ADARB1: variants seen among roughly 807,000 people sequenced by gnomAD.
The protein encoded by ADARB1 is double-stranded RNA-specific editase 1.
ADARB1 carries 10 observed loss-of-function variants against 52.4 expected under a neutral mutation model. The observed-to-expected ratio is 0.19, with a 90% confidence interval of 0.12 to 0.32. The LOEUF (loss-of-function observed/expected upper bound fraction) is 0.32. Among genes scored for constraint, ADARB1 ranks in the 10% least tolerant of loss-of-function variants. The pLI, the probability that ADARB1 is intolerant of heterozygous loss-of-function variation, is 1.00. For missense variants in ADARB1, 643 were observed against 922.3 expected, an observed-to-expected ratio of 0.70 and a Z score of 3.92; for synonymous variants, 349 against 371.1, an observed-to-expected ratio of 0.94 and a Z score of 0.68.
chr21:45,204,444 T>C lies in ADARB1; in HGVS notation c.1566-111T>C. 2.8e-6 allele frequency: 3 copies of C among 1,054,712 alleles called. No individual in the cohort carries two copies. The highest frequency in any genetic ancestry group is 4.2e-6 in the Non-Finnish European group (3 of 715,644). 65.3% of individuals were successfully genotyped at this position (1,054,712 alleles called of 1,614,324 possible). ...TTTGTTGCACTCCTTCGTCAGTTGG[T>C]TGGGATCCTGCGGAATTGCCAGTGC... is the stretch of plus-strand genomic sequence containing the variant. On this transcript the variant is annotated intron_variant, in intron 8 of 10. Coordinates refer to ENST00000348831, the MANE Select transcript of ADARB1 (RefSeq NM_001112.4). This position sits in a 1 kb window ranked among gnomAD's most constrained non-coding sequence, Gnocchi z 4.4.
At chr21:45,199,945 T>C (rs1180946982) in intron 8 of ADARB1, among the ~76,000 whole-genome samples, 1 of 152,164 alleles carries the variant, frequency 6.6e-6, no homozygotes, top group African/African-American at 2.4e-5. Flanking sequence ...TTTTATTATA[T>C]AGTAATTAGA....
At position 45,211,436 on chromosome 21, in the gene ADARB1, C is replaced by T. The variant is rs193169655; in HGVS notation, c.1747+6700C>T. ...TTGCAGAATAAAGGCCACTTTCAGTCGAGATTGTAAGTACACATTTTCCTT... is the reference window on the plus strand; with the variant it reads ...TTGCAGAATAAAGGCCACTTTCAGTTGAGATTGTAAGTACACATTTTCCTT... On this transcript the variant is annotated intron_variant, in intron 9 of 10. Coordinates refer to ENST00000348831, the MANE Select transcript of ADARB1 (RefSeq NM_001112.4). 9.2e-5 allele frequency among the ~76,000 whole-genome samples: 14 copies of T among 152,212 alleles called. No homozygotes were observed. In the East Asian group the frequency reaches 2.7e-3, roughly 29 times the overall value.
At position 45,210,545 on chromosome 21, in the gene ADARB1, CG is replaced by C. The variant is rs1201193462; in HGVS notation, c.1747+5812del. On this transcript the variant is annotated intron_variant, in intron 9 of 10. Coordinates refer to ENST00000348831, the MANE Select transcript of ADARB1 (RefSeq NM_001112.4). ...TGACTGCCGTCCTCAGGCCATCTCC[CG>C]GGCATGCATGTGCTCAAGTCAGGAG... 1.9e-4 allele frequency among the ~76,000 whole-genome samples: 29 copies of C among 152,334 alleles called. 1 individual carries two copies. Among genetic ancestry groups the C allele is most frequent in the Non-Finnish European group, 2.5e-4 (17 of 68,026 alleles).
chr21:45,178,791 G>A (rs1035695296), intron 4 of ADARB1, among the ~76,000 whole-genome samples: 12 of 152,070 alleles, frequency 7.9e-5, no homozygotes, highest in Non-Finnish European at 1.5e-4. Flanking sequence ...AAATTAAGAG[G>A]GAAGTCCTTC....
intron 8 of ADARB1, among the ~76,000 whole-genome samples, chr21:45,198,983 T>C (rs189540237): frequency 7.2e-5 from 11 of 152,138 alleles, no homozygotes; most frequent in Admixed American, 6.5e-4. Flanking sequence ...TATAAAACCA[T>C]AGTAATCAAA....
intron 9 of ADARB1, among the ~76,000 whole-genome samples, chr21:45,217,439 AT>A (rs1394473850): frequency 6.6e-6 from 1 of 152,104 alleles, no homozygotes; most frequent in Non-Finnish European, 1.5e-5. Context: ...TTCAAGTGAT[AT>A]TATACTACTT....
At chr21:45,205,475 A>G (rs1159000214) in intron 9 of ADARB1, among the ~76,000 whole-genome samples, 1 of 152,134 alleles carries the variant, frequency 6.6e-6, no homozygotes, top group Non-Finnish European at 1.5e-5. Flanking sequence ...TCTTAGAGCC[A>G]CCAGGGTGTC....
intron 9 of ADARB1, among the ~76,000 whole-genome samples, chr21:45,213,320 G>A (rs934490243): frequency 5.0e-4 from 76 of 152,088 alleles, no homozygotes; most frequent in African/African-American, 1.7e-3. Context: ...TGTCCATAGT[G>A]AGCAAATGTT....
intron 1 of ADARB1, among the ~76,000 whole-genome samples, chr21:45,087,739 C>A (rs982529582): frequency 6.6e-6 from 1 of 151,950 alleles, no homozygotes; most frequent in Admixed American, 6.5e-5. Context: ...TGTGGGGGAC[C>A]CAAAATGAAA....
Position 45,221,135 on chromosome 21 carries a change from C to A in ADARB1, c.1926+121C>A. ...ATCATGCACAGCTTCCGAAAACGAT[C>A]ACTTGGAATGATTCTTCCTTCAGAT... is the stretch of plus-strand genomic sequence containing the variant. On this transcript the variant is annotated intron_variant, in intron 10 of 10. Transcript: ENST00000348831. This position sits in a 1 kb window ranked among gnomAD's most constrained non-coding sequence, Gnocchi z 4.9. The A allele has an allele frequency of 1.7e-6, 2 of 1,179,378 alleles. No homozygotes were observed. Among genetic ancestry groups the A allele is most frequent in the Non-Finnish European group, 2.3e-6 (2 of 855,540 alleles). 73.1% of individuals were successfully genotyped at this position (1,179,378 alleles called of 1,614,324 possible).
At chr21:45,145,223 G>A (rs2089947753) in intron 2 of ADARB1, 1 of 152,360 alleles carries the variant, frequency 6.6e-6, no homozygotes, top group African/African-American at 2.4e-5. Flanking sequence ...GCCACTGAAA[G>A]GAGATTTTTA....
intron 8 of ADARB1, 61 bp downstream of exon 8, chr21:45,185,152 G>T: frequency 2.6e-6 from 4 of 1,553,908 alleles, no homozygotes; most frequent in African/African-American, 1.4e-5. Context: ...CATACTGTTT[G>T]CCAACCTCCC....
At chr21:45,214,248 G>A (rs191416689) in intron 9 of ADARB1, among the ~76,000 whole-genome samples, 86 of 152,190 alleles carry the variant, frequency 5.7e-4, no homozygotes, top group African/African-American at 2.0e-3. Flanking sequence ...TTATTACTGG[G>A]TTTTGAGAGT....
chr21:45,141,289 T>C (rs776308556), intron 2 of ADARB1, among the ~76,000 whole-genome samples: 4 of 152,224 alleles, frequency 2.6e-5, no homozygotes, highest in Admixed American at 2.0e-4. Context: ...TAGGTAATAA[T>C]TATGTTAAAA....
intron 8 of ADARB1, among the ~76,000 whole-genome samples, chr21:45,194,431 C>G (rs7277143): frequency 1.1e-3 from 127 of 112,424 alleles, no homozygotes; most frequent in African/African-American, 2.9e-3. Flanking sequence ...TGTACTCTGC[C>G]TGTTCACCCC....
chr21:45,161,073 C>G (rs984049304), intron 2 of ADARB1, among the ~76,000 whole-genome samples: 1 of 152,172 alleles, frequency 6.6e-6, no homozygotes, highest in Non-Finnish European at 1.5e-5. Flanking sequence ...GTGTTTTAGT[C>G]AATATCAGTT....
At chr21:45,117,843 G>A (rs937749339) in intron 1 of ADARB1, among the ~76,000 whole-genome samples, 4 of 152,066 alleles carry the variant, frequency 2.6e-5, no homozygotes, top group African/African-American at 7.2e-5. Flanking sequence ...CCCATGCCCC[G>A]TTTCCAGAGG....
At chr21:45,101,543 A>G (rs17004734) in intron 1 of ADARB1, among the ~76,000 whole-genome samples, 23,797 of 152,228 alleles carry the variant, frequency 0.16, 1,940 homozygotes, top group Middle Eastern at 0.23. Context: ...ATGCTTCTCA[A>G]AAGATTTGCT....
chr21:45,190,867 G>C (rs186402818), intron 8 of ADARB1, among the ~76,000 whole-genome samples: 1 of 152,332 alleles, frequency 6.6e-6, no homozygotes, highest in Admixed American at 6.5e-5. Context: ...CCCAAGAGAA[G>C]AGCCCCAGTA....
Sources: allele counts gnomAD v4.1 joint callset (sites outside exome capture counted in the v4.1 genomes callset), GRCh38; gene constraint gnomAD v4.1.1; non-coding constraint Gnocchi (gnomAD v3.1); transcripts MANE v1.5; gene names NCBI Gene and HGNC (gene_info 2026-07-23, HGNC 2026-07-21).